Variants in ARL15 observed in about 807,000 individuals in gnomAD.
ARL15 encodes ARF like GTPase 15.
Under a neutral mutation model 25.2 loss-of-function variants are expected in ARL15, and 19 were observed. That is an observed-to-expected ratio of 0.75 (90% CI 0.53 to 1.10). The LOEUF (loss-of-function observed/expected upper bound fraction) is 1.10, where lower values mean the gene tolerates loss of function less well. Among genes scored for constraint, ARL15 ranks in the 50% least tolerant of loss-of-function variants. The probability of loss-of-function intolerance (pLI) is 0.00; values close to 1 mark genes in which losing one functional copy is unlikely to be tolerated. For synonymous variants in ARL15, 94 were observed against 86.8 expected, an observed-to-expected ratio of 1.08 and a Z score of -0.46; for missense variants, 220 against 246.0, an observed-to-expected ratio of 0.89 and a Z score of 0.71.
intron 1 of ARL15, among the ~76,000 whole-genome samples, chr5:54,246,491 A>T (rs537720512): frequency 6.6e-6 from 1 of 151,762 alleles, no homozygotes; most frequent in Non-Finnish European, 1.5e-5. Flanking sequence ...CCTCCCCCAA[A>T]CATGTTCCTC....
chr5:53,904,542 C>G (rs1745177703), intron 4 of ARL15, among the ~76,000 whole-genome samples: 1 of 152,008 alleles, frequency 6.6e-6, no homozygotes, highest in African/African-American at 2.4e-5. Flanking sequence ...GATTGCTTCC[C>G]AAGTATCTTT....
At chr5:54,181,306 A>G (rs1161753632) in intron 1 of ARL15, among the ~76,000 whole-genome samples, 1 of 152,230 alleles carries the variant, frequency 6.6e-6, no homozygotes, top group East Asian at 1.9e-4. Flanking sequence ...ATGCAATAAA[A>G]CCAGCAATAA....
At chr5:53,924,510 C>T (rs1482263335) in intron 4 of ARL15, among the ~76,000 whole-genome samples, 1 of 152,204 alleles carries the variant, frequency 6.6e-6, no homozygotes, top group Non-Finnish European at 1.5e-5. Context: ...TATTTCAACC[C>T]TCTCATTTCA....
At chr5:54,309,907 C>A (rs1758851428) in intron 1 of ARL15, among the ~76,000 whole-genome samples, 1 of 152,154 alleles carries the variant, frequency 6.6e-6, no homozygotes, top group Non-Finnish European at 1.5e-5. Context: ...TAGTTTAGAC[C>A]CGTCTGCTTT....
intron 1 of ARL15, among the ~76,000 whole-genome samples, chr5:54,234,202 C>T (rs1055662880): frequency 1.3e-5 from 2 of 152,084 alleles, no homozygotes; most frequent in South Asian, 4.2e-4. Flanking sequence ...TCCATGTTGG[C>T]CAGGTCTCGA....
chr5:53,969,145 C>T (rs145227764), intron 4 of ARL15, among the ~76,000 whole-genome samples: 61 of 152,054 alleles, frequency 4.0e-4, no homozygotes, highest in African/African-American at 1.4e-3. Context: ...AGCGAGATTC[C>T]ATCTCAAAAA....
At chr5:53,958,065 C>G (rs1320330191) in intron 4 of ARL15, among the ~76,000 whole-genome samples, 1 of 151,812 alleles carries the variant, frequency 6.6e-6, no homozygotes. Flanking sequence ...CAAAAATTAA[C>G]CAGGCACGGT....
At chr5:53,974,419 G>A (rs1267632031) in intron 4 of ARL15, among the ~76,000 whole-genome samples, 1 of 152,162 alleles carries the variant, frequency 6.6e-6, no homozygotes, top group Non-Finnish European at 1.5e-5. Flanking sequence ...GCCCCTTTAA[G>A]GAATTTCTGC....
At chr5:54,140,711 T>G (rs1051620718) in intron 3 of ARL15, among the ~76,000 whole-genome samples, 1 of 152,172 alleles carries the variant, frequency 6.6e-6, no homozygotes, top group Non-Finnish European at 1.5e-5. Context: ...TAAAATTACT[T>G]TTTATGCCAA....
Position 53,885,244 on chromosome 5 carries a change from T to C in ARL15, c.*1317A>G, listed in dbSNP as rs2111870743. ...TTTATCATTTGGCCACTTAGTATTT[T>C]AAGTGGTCAAAGTCTACAAAGTATG... On this transcript the variant is annotated 3_prime_UTR_variant, in exon 5 of 5. Coordinates refer to ENST00000504924, the MANE Select transcript of ARL15 (RefSeq NM_019087.3). The C allele has an allele frequency of 6.5e-6, 1 of 152,710 alleles. No homozygotes were observed. The highest frequency in any genetic ancestry group is 3.4e-3 in the Middle Eastern group (1 of 294). 9.5% of individuals were successfully genotyped at this position (152,710 alleles called of 1,614,324 possible).
At chr5:54,119,455 C>T (rs117699131) in intron 3 of ARL15, among the ~76,000 whole-genome samples, 301 of 152,232 alleles carry the variant, frequency 2.0e-3, no homozygotes, top group East Asian at 0.014. Flanking sequence ...ATTACCCAGT[C>T]TCAAATGAAC....
At chr5:54,299,958 T>C (rs189238592) in intron 1 of ARL15, among the ~76,000 whole-genome samples, 1 of 152,170 alleles carries the variant, frequency 6.6e-6, no homozygotes, top group African/African-American at 2.4e-5. Flanking sequence ...AAATCTCAAG[T>C]TGAATTACTG....
intron 4 of ARL15, among the ~76,000 whole-genome samples, chr5:54,023,533 GA>G (rs35518622): frequency 0.71 from 104,194 of 147,374 alleles, 36,911 homozygotes; most frequent in East Asian, 0.84. Context: ...CTACACATGT[GA>G]AAAAAAAAAA....
At chr5:54,279,076 A>G (rs549045846) in intron 1 of ARL15, among the ~76,000 whole-genome samples, 2 of 152,330 alleles carry the variant, frequency 1.3e-5, no homozygotes, top group Non-Finnish European at 2.9e-5. Flanking sequence ...ACCAAAAAAA[A>G]CAACTCAGCT....
chr5:53,999,514 C>G (rs1748786924), intron 4 of ARL15, among the ~76,000 whole-genome samples: 1 of 152,094 alleles, frequency 6.6e-6, no homozygotes, highest in South Asian at 2.1e-4. Context: ...TCACTTGAAC[C>G]CGGGAGGTGG....
intron 4 of ARL15, among the ~76,000 whole-genome samples, chr5:54,094,169 TACTC>T (rs1267956509): frequency 6.6e-6 from 1 of 152,196 alleles, no homozygotes; most frequent in African/African-American, 2.4e-5. Context: ...TTCATTTTGA[TACTC>T]ACCAAATTTG....
chr5:54,087,577 G>A (rs1266001511), intron 4 of ARL15, among the ~76,000 whole-genome samples: 1 of 152,132 alleles, frequency 6.6e-6, no homozygotes, highest in Non-Finnish European at 1.5e-5. Flanking sequence ...AGCCACAACT[G>A]CACTTACCAC....
chr5:53,895,452 G>A (rs1210322817), intron 4 of ARL15, among the ~76,000 whole-genome samples: 1 of 152,152 alleles, frequency 6.6e-6, no homozygotes, highest in African/African-American at 2.4e-5. Flanking sequence ...ACAAGCCAGG[G>A]CACAGGAAGT....
At chr5:53,936,873 T>C (rs1464550818) in intron 4 of ARL15, among the ~76,000 whole-genome samples, 1 of 152,252 alleles carries the variant, frequency 6.6e-6, no homozygotes. Flanking sequence ...CACCCTCTGC[T>C]ACCTATCATT....
Sources: gnomAD v4.1 joint callset for allele counts (sites outside exome capture counted in the v4.1 genomes callset) on GRCh38, gnomAD v4.1.1 for gene constraint, MANE v1.5 for transcripts, NCBI Gene and HGNC (gene_info 2026-07-23, HGNC 2026-07-21) for gene names.